Variants in DENND1A observed in about 807,000 individuals in gnomAD.
The protein encoded by DENND1A is DENN domain-containing protein 1A.
Under a neutral mutation model 113.7 loss-of-function variants are expected in DENND1A, and 51 were observed. The observed-to-expected ratio is 0.45, with a 90% CI of 0.36 to 0.57. The LOEUF (loss-of-function observed/expected upper bound fraction) is 0.57, where lower values mean the gene tolerates loss of function less well. Ranked by LOEUF, DENND1A falls within the 20% of genes least tolerant of loss-of-function variation. DENND1A has a pLI of 0.00. For synonymous variants in DENND1A, 565 were observed against 570.8 expected (o/e 0.99, Z 0.14); for missense variants, 1,258 against 1,395.9 (o/e 0.90, Z 1.57).
intron 13 of DENND1A, among the ~76,000 whole-genome samples, chr9:123,507,024 A>G (rs1244460357): frequency 1.3e-5 from 2 of 152,130 alleles, no homozygotes; most frequent in African/African-American, 4.8e-5. Context: ...AGTCTCTACT[A>G]AAAACAATAC....
chr9:123,395,887 A>C (rs1564412985), intron 21 of DENND1A, among the ~76,000 whole-genome samples: 1 of 152,196 alleles, frequency 6.6e-6, no homozygotes, highest in Non-Finnish European at 1.5e-5. Flanking sequence ...TTCACCCAGG[A>C]AACATCTCAG....
chr9:123,543,151 C>T (rs555774852), intron 13 of DENND1A, among the ~76,000 whole-genome samples: 6 of 152,250 alleles, frequency 3.9e-5, no homozygotes, highest in East Asian at 1.9e-4. Flanking sequence ...AGTCATGGAA[C>T]GGGTAAAAAT....
chr9:123,724,344 C>T (rs2067544161), intron 5 of DENND1A, among the ~76,000 whole-genome samples: 1 of 152,132 alleles, frequency 6.6e-6, no homozygotes, highest in Non-Finnish European at 1.5e-5. Context: ...AATGAGACTT[C>T]AGCATGAATC....
chr9:123,713,695 G>GAA (rs146131531), intron 5 of DENND1A, among the ~76,000 whole-genome samples: 9 of 148,140 alleles, frequency 6.1e-5, no homozygotes, highest in African/African-American at 7.4e-5. Context: ...AAGACAATTA[G>GAA]AAAAAAAAAA....
chr9:123,555,254 C>G (rs973031866), intron 13 of DENND1A, among the ~76,000 whole-genome samples: 1 of 152,202 alleles, frequency 6.6e-6, no homozygotes, highest in Non-Finnish European at 1.5e-5. Context: ...GCCTCCAGCT[C>G]TCCTTTTAGT....
chr9:123,795,597 C>T (rs910438235), intron 2 of DENND1A, among the ~76,000 whole-genome samples: 2 of 152,140 alleles, frequency 1.3e-5, no homozygotes, highest in African/African-American at 4.8e-5. Flanking sequence ...TATTTCATTG[C>T]GTCAGCTGCA....
At chr9:123,620,259 G>GAAAAAAAA (rs2060892644) in intron 10 of DENND1A, among the ~76,000 whole-genome samples, 1 of 139,492 alleles carries the variant, frequency 7.2e-6, no homozygotes, top group African/African-American at 2.9e-5. Context: ...AGAAAAAAAG[G>GAAAAAAAA]AAAAAAGAAA....
At chr9:123,674,435 T>C (rs1052359211) in intron 6 of DENND1A, among the ~76,000 whole-genome samples, 2 of 151,848 alleles carry the variant, frequency 1.3e-5, no homozygotes, top group Non-Finnish European at 2.9e-5. Context: ...CAATGACTTT[T>C]GGATGAGAGA....
chr9:123,680,289 G>A (rs2064359014), intron 5 of DENND1A, among the ~76,000 whole-genome samples: 1 of 152,206 alleles, frequency 6.6e-6, no homozygotes, highest in African/African-American at 2.4e-5. Context: ...TCCCAGGCCT[G>A]AGAGTCAAAT....
intron 13 of DENND1A, among the ~76,000 whole-genome samples, chr9:123,551,979 A>AAGAGAGAGAG (rs1194653709): frequency 7.1e-6 from 1 of 141,584 alleles, no homozygotes; most frequent in Non-Finnish European, 1.5e-5. Flanking sequence ...TTCATTAGGA[A>AAGAGAGAGAG]AGAGAGAGAG....
chr9:123,414,655 A>G (rs2044578924), intron 19 of DENND1A: 1 of 1,531,138 alleles, frequency 6.5e-7, no homozygotes, highest in East Asian at 2.5e-5. Flanking sequence ...GCAAAAACCT[A>G]TTAACTCTTT....
At chr9:123,672,668 A>C (rs1828856574) in intron 6 of DENND1A, among the ~76,000 whole-genome samples, 1 of 152,170 alleles carries the variant, frequency 6.6e-6, no homozygotes, top group Non-Finnish European at 1.5e-5. Context: ...ATAAAGGATA[A>C]ATTTGGCCCC....
chr9:123,919,591 G>A (rs988025963), intron 1 of DENND1A, among the ~76,000 whole-genome samples: 1 of 151,024 alleles, frequency 6.6e-6, no homozygotes, highest in African/African-American at 2.4e-5. Flanking sequence ...AGAATGATAT[G>A]ACATCTGCGG....
At chr9:123,763,213 G>A (rs574388745) in intron 4 of DENND1A, among the ~76,000 whole-genome samples, 2 of 152,134 alleles carry the variant, frequency 1.3e-5, no homozygotes, top group African/African-American at 4.8e-5. Flanking sequence ...GGAAGAAGGT[G>A]TAAGTAGGAG....
intron 13 of DENND1A, among the ~76,000 whole-genome samples, chr9:123,525,597 C>T (rs2054766033): frequency 6.6e-6 from 1 of 152,140 alleles, no homozygotes; most frequent in Non-Finnish European, 1.5e-5. Context: ...TATGACCCTG[C>T]TCTACAGGAG....
chr9:123,408,168 A>C (rs1486630717), intron 20 of DENND1A, among the ~76,000 whole-genome samples: 2 of 152,178 alleles, frequency 1.3e-5, no homozygotes, highest in Non-Finnish European at 2.9e-5. Flanking sequence ...TACGTGACCC[A>C]GCAAAGCCAC....
chr9:123,382,151 C>G lies in DENND1A; in HGVS notation c.2494G>C (p.Gly832Arg). ...CTGCTCGTGCCTGCAGCCCCGGGGCCAGGGCTGAGCGGCTGGAGCAGTTCA... is the reference window on the plus strand; with the variant it reads ...CTGCTCGTGCCTGCAGCCCCGGGGCGAGGGCTGAGCGGCTGGAGCAGTTCA... ...PTELLQPLSP[G>R]PGAAGTSSDA... The change falls in exon 24 of 24, where the codon GGC (glycine) becomes CGC (arginine). Residue 832 changes from glycine (G) to arginine (R), a missense_variant. Physicochemically the swap from Gly to Arg is moderately radical, Grantham distance 125. Coordinates refer to ENST00000394215, the MANE Select transcript of DENND1A (RefSeq NM_001352964.2). 6.2e-7 allele frequency: 1 copy of G among 1,604,656 alleles called. No homozygotes were observed. The highest frequency in any genetic ancestry group is 1.1e-5 in the South Asian group (1 of 89,998).
rs546856511 is a variant in DENND1A, at chr9:123,559,822, C to T, written c.868-2127G>A. On this transcript the variant is annotated intron_variant, in intron 12 of 23. Coordinates refer to ENST00000394215, the MANE Select transcript of DENND1A (RefSeq NM_001352964.2). ...GAAACCTCATACTCATTAGCTGTCA[C>T]TCCCCATTACCTATCAATTTTTCCC... 1.7e-3 allele frequency among the ~76,000 whole-genome samples: 256 copies of T among 152,330 alleles called. 1 individual carries two copies. Among genetic ancestry groups the T allele is most frequent in the African/African-American group, 5.6e-3 (232 of 41,582 alleles).
At chr9:123,921,148 G>T (rs1856180221) in intron 1 of DENND1A, among the ~76,000 whole-genome samples, 1 of 152,068 alleles carries the variant, frequency 6.6e-6, no homozygotes, top group African/African-American at 2.4e-5. Context: ...TTTTTAACTT[G>T]TTTTTTAACT....
Sources: allele counts gnomAD v4.1 joint callset (sites outside exome capture counted in the v4.1 genomes callset), GRCh38; gene constraint gnomAD v4.1.1; transcripts MANE v1.5; gene names NCBI Gene and HGNC (gene_info 2026-07-23, HGNC 2026-07-21).